CAST: variants seen among roughly 807,000 people sequenced by gnomAD.
CAST encodes the protein calpastatin.
CAST carries 76 observed loss-of-function variants against 119.6 expected under a neutral mutation model. The observed-to-expected ratio is 0.64, with a 90% confidence interval of 0.53 to 0.77. The LOEUF is 0.77. Ranked by LOEUF, CAST falls within the 30% of genes least tolerant of loss-of-function variation. CAST has a pLI of 0.00. For missense variants in CAST, 953 were observed against 946.5 expected (o/e 1.01, Z -0.09); for synonymous variants, 319 against 331.6 (o/e 0.96, Z 0.41).
chr5:96,687,783 T>C (rs577328277), intron 2 of CAST, among the ~76,000 whole-genome samples: 2 of 152,350 alleles, frequency 1.3e-5, no homozygotes, highest in Non-Finnish European at 2.9e-5. Context: ...CATCCCATTT[T>C]TGGTTTCACT....
At chr5:96,393,447 A>C in the CAST span, 3 of 1,575,070 alleles carry the variant, frequency 1.9e-6, no homozygotes, top group Non-Finnish European at 8.7e-7. Context: ...GCTAGTTGCA[A>C]CCCTACCACA....
chr5:96,225,107 T>C, the CAST span, among the ~76,000 whole-genome samples: 2 of 152,072 alleles, frequency 1.3e-5, no homozygotes, highest in African/African-American at 4.8e-5. Context: ...TTAAAATCAA[T>C]ATCACATATG....
chr5:96,559,780 C>A (rs981812046), intron 1 of CAST, among the ~76,000 whole-genome samples: 4 of 152,088 alleles, frequency 2.6e-5, no homozygotes, highest in African/African-American at 9.7e-5. Flanking sequence ...CTATAGTGCC[C>A]AAGGTAATTT....
chr5:96,694,088 A>G (rs776648612), intron 2 of CAST, among the ~76,000 whole-genome samples: 10 of 152,236 alleles, frequency 6.6e-5, no homozygotes, highest in Non-Finnish European at 1.3e-4. Context: ...AGAAGACTTC[A>G]GTTCAAACTT....
the CAST span, among the ~76,000 whole-genome samples, chr5:96,443,317 G>A: frequency 3.9e-5 from 6 of 152,150 alleles, no homozygotes; most frequent in African/African-American, 1.4e-4. Context: ...ACTAGACGCA[G>A]GATCATTATT....
upstream of CAST, among the ~76,000 whole-genome samples, chr5:96,522,115 C>CA (rs113441232): frequency 3.2e-3 from 431 of 133,910 alleles, 1 homozygote; most frequent in Middle Eastern, 0.032. Context: ...GACTCTGTCT[C>CA]AAAAAAAAAA....
chr5:96,234,839 T>G, the CAST span, among the ~76,000 whole-genome samples: 1 of 152,166 alleles, frequency 6.6e-6, no homozygotes, highest in African/African-American at 2.4e-5. Context: ...TGTGTGTGTG[T>G]GTTTTACTGC....
At chr5:95,997,404 C>T in the CAST span, among the ~76,000 whole-genome samples, 2 of 152,162 alleles carry the variant, frequency 1.3e-5, no homozygotes, top group Admixed American at 6.6e-5. Flanking sequence ...TACCTTCTAA[C>T]ACCCAATTAG....
At chr5:96,686,577 T>A (rs1366555558) in intron 2 of CAST, among the ~76,000 whole-genome samples, 2 of 152,126 alleles carry the variant, frequency 1.3e-5, no homozygotes, top group African/African-American at 4.8e-5. Flanking sequence ...TGGGATAGTA[T>A]CAGTTCTCTT....
chr5:96,516,698 A>G, the CAST span, among the ~76,000 whole-genome samples: 1 of 152,242 alleles, frequency 6.6e-6, no homozygotes, highest in African/African-American at 2.4e-5. Flanking sequence ...AAGAATGTGT[A>G]TGATTAAGTC....
At chr5:96,438,755 A>G in the CAST span, among the ~76,000 whole-genome samples, 10 of 152,316 alleles carry the variant, frequency 6.6e-5, no homozygotes, top group South Asian at 6.2e-4. Context: ...TCCACTGTAA[A>G]GTTACTATTT....
chr5:96,376,923 G>A, the CAST span, among the ~76,000 whole-genome samples: 1 of 152,142 alleles, frequency 6.6e-6, no homozygotes, highest in Admixed American at 6.6e-5. Context: ...GATAAGATGT[G>A]GAAGTGGAAG....
At chr5:96,108,433 C>T in the CAST span, among the ~76,000 whole-genome samples, 5 of 152,152 alleles carry the variant, frequency 3.3e-5, no homozygotes, top group South Asian at 1.0e-3. Flanking sequence ...TGTTAGTTTT[C>T]CTTCTAACAG....
chr5:96,574,907 C>A lies in CAST; in HGVS notation c.60+45027C>A, dbSNP rs1231913453. Among the ~76,000 whole-genome samples, 15 of 152,148 alleles carry A rather than the reference C, an allele frequency of 9.9e-5. No individual in the cohort carries two copies. The East Asian group carries it at 2.5e-3, about 25-fold the overall frequency. On this transcript the variant is annotated intron_variant, in intron 1 of 11. Coordinates refer to the CAST transcript ENST00000505143. ...ATTGTTACATGTGTCTATCTCTCTG[C>A]CCATGCCATTCCAAATAAACCATAG...
chr5:96,455,697 C>A, the CAST span, among the ~76,000 whole-genome samples: 3 of 152,230 alleles, frequency 2.0e-5, no homozygotes, highest in African/African-American at 7.2e-5. Flanking sequence ...CCCTCTCCTT[C>A]CTGGCTTTTC....
chr5:96,408,127 A>G, the CAST span: 527 of 854,940 alleles, frequency 6.2e-4, 2 homozygotes, highest in Non-Finnish European at 4.7e-4. Flanking sequence ...GTATTCCAAA[A>G]TTTCTCCTGT....
At chr5:96,502,627 T>TCTTTCTTC in the CAST span, among the ~76,000 whole-genome samples, 49 of 67,262 alleles carry the variant, frequency 7.3e-4, no homozygotes, top group African/African-American at 1.7e-3. Context: ...TTTCTTTCTT[T>TCTTTCTTC]CTTTCTTTCT....
At chr5:96,630,094 G>T (rs1038702823) in intron 1 of CAST, among the ~76,000 whole-genome samples, 1 of 152,200 alleles carries the variant, frequency 6.6e-6, no homozygotes, top group African/African-American at 2.4e-5. Flanking sequence ...TATTTATGGA[G>T]CACTGTCCTA....
chr5:96,234,325 G>C, the CAST span, among the ~76,000 whole-genome samples: 1 of 152,160 alleles, frequency 6.6e-6, no homozygotes, highest in East Asian at 1.9e-4. Flanking sequence ...TAGGGAATGC[G>C]GCTAGAGATG....
Sources: gnomAD v4.1 joint callset for allele counts (sites outside exome capture counted in the v4.1 genomes callset) on GRCh38, gnomAD v4.1.1 for gene constraint, MANE v1.5 for transcripts, NCBI Gene and HGNC (gene_info 2026-07-23, HGNC 2026-07-21) for gene names.